Variants in CSMD1 observed in about 807,000 individuals in gnomAD.
CSMD1 encodes CUB and Sushi multiple domains 1.
In CSMD1, 213 loss-of-function variants were observed where a neutral mutation model predicts 417.5. That is an observed-to-expected ratio of 0.51 (90% CI 0.46 to 0.57). The LOEUF (loss-of-function observed/expected upper bound fraction) is 0.57. Among genes scored for constraint, CSMD1 ranks in the 20% least tolerant of loss-of-function variants. The pLI is 0.00. For missense variants in CSMD1, 6,923 were observed against 4,529.7 expected (o/e 1.53, Z -15.17); for synonymous variants, 2,862 against 1,736.8 (o/e 1.65, Z -16.11).
At chr8:3,592,654 G>A (rs1162102875) in intron 8 of CSMD1, among the ~76,000 whole-genome samples, 1 of 151,412 alleles carries the variant, frequency 6.6e-6, no homozygotes, top group Non-Finnish European at 1.5e-5. Context: ...CTATGTGTGT[G>A]TTTACGTGTG....
intron 21 of CSMD1, among the ~76,000 whole-genome samples, chr8:3,348,629 C>G (rs1053001507): frequency 6.6e-6 from 1 of 152,192 alleles, no homozygotes; most frequent in African/African-American, 2.4e-5. Context: ...AAAGGGGAAT[C>G]TAACGACAGA....
Position 3,707,463 on chromosome 8 carries a change from A to G in CSMD1, c.1009+951T>C, listed in dbSNP as rs538384069. On this transcript the variant is annotated intron_variant, in intron 7 of 69. Coordinates refer to ENST00000635120, the MANE Select transcript of CSMD1 (RefSeq NM_033225.6). ...TGAAAAGATTGCCAGGGAAGCATAGAAAACACAACCCAATGGGTAGAAAGT... is the reference window on the plus strand; with the variant it reads ...TGAAAAGATTGCCAGGGAAGCATAGGAAACACAACCCAATGGGTAGAAAGT... 3.3e-5 allele frequency among the ~76,000 whole-genome samples: 5 copies of G among 152,312 alleles called. No homozygotes were observed. The South Asian group carries it at 1.0e-3, about 32-fold the overall frequency.
chr8:3,552,763 C>G (rs1320318409), intron 10 of CSMD1, among the ~76,000 whole-genome samples: 3 of 152,094 alleles, frequency 2.0e-5, no homozygotes, highest in Admixed American at 6.5e-5. Flanking sequence ...TTTATTGACA[C>G]AAGAACAGTT....
At position 4,799,598 on chromosome 8, in the gene CSMD1, C is replaced by CAA. The variant is rs1168273531; in HGVS notation, c.86-162042_86-162041dup. Among the ~76,000 whole-genome samples, 5 of 47,170 alleles carry CAA rather than the reference C, an allele frequency of 1.1e-4. 1 individual carries two copies. Among genetic ancestry groups the CAA allele is most frequent in the African/African-American group, 5.0e-4 (5 of 10,026 alleles). 30.9% of individuals were successfully genotyped at this position (47,170 alleles called of 152,430 possible). On this transcript the variant is annotated intron_variant, in intron 1 of 69. Transcript: ENST00000635120. ...TGTGTGAGAGAGCAAGACTCCGTCT[C>CAA]AAAAAAAAAAAAAAAAAAAAAAAAA...
chr8:4,293,585 GCTCAT>G (rs1797497732), intron 3 of CSMD1, among the ~76,000 whole-genome samples: 1 of 152,038 alleles, frequency 6.6e-6, no homozygotes, highest in Admixed American at 6.6e-5. Flanking sequence ...CAATAAAAGA[GCTCAT>G]CTCATCATGA....
chr8:4,037,194 T>C (rs1376063552), intron 3 of CSMD1, among the ~76,000 whole-genome samples: 1 of 152,250 alleles, frequency 6.6e-6, no homozygotes, highest in Non-Finnish European at 1.5e-5. Flanking sequence ...TTTTGATCTT[T>C]AATATTTAGA....
chr8:4,486,975 T>C (rs1449383584), intron 2 of CSMD1, among the ~76,000 whole-genome samples: 1 of 152,160 alleles, frequency 6.6e-6, no homozygotes, highest in African/African-American at 2.4e-5. Flanking sequence ...GATGCACAGC[T>C]GACGGCTACA....
chr8:4,256,992 T>A (rs568655918), intron 3 of CSMD1, among the ~76,000 whole-genome samples: 19 of 152,192 alleles, frequency 1.2e-4, no homozygotes, highest in Non-Finnish European at 2.2e-4. Context: ...GGAAGAAGTA[T>A]GTAACTTCCA....
At chr8:4,797,252 C>T in intron 1 of CSMD1, among the ~76,000 whole-genome samples, 1 of 152,148 alleles carries the variant, frequency 6.6e-6, no homozygotes, top group East Asian at 1.9e-4. Flanking sequence ...CTTTACTATG[C>T]ATGGTGAGTT....
intron 37 of CSMD1, among the ~76,000 whole-genome samples, chr8:3,166,218 T>G (rs1820203645): frequency 6.6e-6 from 1 of 152,176 alleles, no homozygotes; most frequent in African/African-American, 2.4e-5. Context: ...AAGAATTATG[T>G]ATGATAATTC....
At chr8:3,742,086 A>C (rs1398377434) in intron 6 of CSMD1, among the ~76,000 whole-genome samples, 1 of 151,466 alleles carries the variant, frequency 6.6e-6, no homozygotes, top group Non-Finnish European at 1.5e-5. Context: ...ATCCTGGTGC[A>C]CCTGGCTCTG....
At chr8:4,035,983 T>TG (rs1201995122) in intron 3 of CSMD1, among the ~76,000 whole-genome samples, 1 of 152,186 alleles carries the variant, frequency 6.6e-6, no homozygotes, top group East Asian at 1.9e-4. Context: ...AACACTTTTT[T>TG]TTATTTTTAA....
chr8:3,290,881 A>AG (rs1196598903), intron 25 of CSMD1, among the ~76,000 whole-genome samples: 1 of 152,012 alleles, frequency 6.6e-6, no homozygotes, highest in Admixed American at 6.6e-5. Flanking sequence ...GAGTGGTGAG[A>AG]GAGGGCATCC....
At chr8:4,347,671 T>C (rs1057360270) in intron 3 of CSMD1, among the ~76,000 whole-genome samples, 2 of 152,170 alleles carry the variant, frequency 1.3e-5, no homozygotes, top group Non-Finnish European at 2.9e-5. Context: ...CAGTATGCAA[T>C]TGCAATGACT....
chr8:3,098,798 A>G (rs1815521228), intron 46 of CSMD1, among the ~76,000 whole-genome samples: 1 of 152,172 alleles, frequency 6.6e-6, no homozygotes, highest in Non-Finnish European at 1.5e-5. Flanking sequence ...TGACTTTGCA[A>G]TAACAACCAG....
At chr8:3,992,716 G>C (rs936145266) in intron 5 of CSMD1, among the ~76,000 whole-genome samples, 2 of 152,198 alleles carry the variant, frequency 1.3e-5, no homozygotes, top group African/African-American at 2.4e-5. Context: ...AGGAGTTTGA[G>C]GCTACAGTGA....
intron 5 of CSMD1, among the ~76,000 whole-genome samples, chr8:3,828,913 C>A (rs1404341219): frequency 6.6e-6 from 1 of 152,206 alleles, no homozygotes; most frequent in Non-Finnish European, 1.5e-5. Flanking sequence ...GCCTTCAGCT[C>A]ACCCATTACT....
At chr8:3,510,315 C>A (rs551191658) in intron 10 of CSMD1, among the ~76,000 whole-genome samples, 19 of 151,882 alleles carry the variant, frequency 1.3e-4, no homozygotes, top group African/African-American at 4.4e-4. Context: ...TTCCCATTCC[C>A]GTCACAGGAA....
chr8:4,180,537 C>G (rs1369995949), intron 3 of CSMD1, among the ~76,000 whole-genome samples: 1 of 151,500 alleles, frequency 6.6e-6, no homozygotes, highest in Non-Finnish European at 1.5e-5. Flanking sequence ...TGTAACTAAC[C>G]TGCACATTGT....
Sources: allele counts gnomAD v4.1 joint callset (sites outside exome capture counted in the v4.1 genomes callset), GRCh38; gene constraint gnomAD v4.1.1; transcripts MANE v1.5; gene names NCBI Gene and HGNC (gene_info 2026-07-23, HGNC 2026-07-21).